FBXW7: variants seen among roughly 807,000 people sequenced by gnomAD.
The protein encoded by FBXW7 is F-box/WD repeat-containing protein 7.
Under a neutral mutation model 86.3 loss-of-function variants are expected in FBXW7, and 11 were observed. The ratio of observed to expected loss-of-function variants is 0.13; its 90% CI spans 0.08 to 0.21. The LOEUF (loss-of-function observed/expected upper bound fraction) is 0.21, where lower values mean the gene tolerates loss of function less well. Ranked by LOEUF, FBXW7 falls within the 10% of genes least tolerant of loss-of-function variation. FBXW7 has a pLI of 1.00. For missense variants in FBXW7, 488 were observed against 847.4 expected (o/e 0.58, Z 5.27); for synonymous variants, 313 against 297.9 (o/e 1.05, Z -0.52).
At chr4:152,481,060 C>G (rs895415014) in intron 2 of FBXW7, among the ~76,000 whole-genome samples, 23 of 152,264 alleles carry the variant, frequency 1.5e-4, no homozygotes, top group African/African-American at 5.3e-4. Flanking sequence ...ACTTTCCTAG[C>G]TAGAAACGAT....
chr4:152,382,292 G>A (rs1195624324), intron 4 of FBXW7: 1 of 1,599,506 alleles, frequency 6.3e-7, no homozygotes, highest in Admixed American at 1.7e-5. Flanking sequence ...AAGATCAACA[G>A]GAACCAAGCC....
At chr4:152,410,897 G>C (rs1737884764) in intron 4 of FBXW7, among the ~76,000 whole-genome samples, 1 of 152,100 alleles carries the variant, frequency 6.6e-6, no homozygotes, top group South Asian at 2.1e-4. Flanking sequence ...TTATGCCTTA[G>C]AGTGACACTT....
At chr4:152,402,820 T>C (rs903523905) in intron 4 of FBXW7, among the ~76,000 whole-genome samples, 4 of 152,240 alleles carry the variant, frequency 2.6e-5, no homozygotes, top group Non-Finnish European at 4.4e-5. Context: ...TGAAAAGAGC[T>C]GTCACTGCTC....
intron 4 of FBXW7, among the ~76,000 whole-genome samples, chr4:152,388,405 T>G (rs953112530): frequency 6.6e-6 from 1 of 152,152 alleles, no homozygotes; most frequent in South Asian, 2.1e-4. Context: ...CATGCCTATA[T>G]GCACAGATAG....
At chr4:152,421,374 G>A (rs1258802189) in intron 2 of FBXW7, among the ~76,000 whole-genome samples, 1 of 152,112 alleles carries the variant, frequency 6.6e-6, no homozygotes, top group Non-Finnish European at 1.5e-5. Context: ...TAATTCATGT[G>A]TTCACCAGAG....
chr4:152,529,197 C>G (rs1749794293), intron 2 of FBXW7, among the ~76,000 whole-genome samples: 1 of 152,010 alleles, frequency 6.6e-6, no homozygotes, highest in African/African-American at 2.4e-5. Context: ...GCCACTCATC[C>G]TTAGGCTTGG....
intron 2 of FBXW7, among the ~76,000 whole-genome samples, chr4:152,446,421 C>T (rs1312774213): frequency 6.6e-6 from 1 of 150,498 alleles, no homozygotes; most frequent in East Asian, 2.0e-4. Flanking sequence ...TCTATAGCTT[C>T]AAGGTCAAGT....
chr4:152,419,234 A>G (rs1008298012), intron 2 of FBXW7, among the ~76,000 whole-genome samples: 1 of 152,124 alleles, frequency 6.6e-6, no homozygotes, highest in African/African-American at 2.4e-5. Context: ...GCCTAAGAAA[A>G]ATGAAGTGCC....
At chr4:152,413,577 C>T (rs1738165689) in intron 2 of FBXW7, among the ~76,000 whole-genome samples, 1 of 152,082 alleles carries the variant, frequency 6.6e-6, no homozygotes, top group African/African-American at 2.4e-5. Flanking sequence ...CTTTCATGCA[C>T]CTTAAAGTAA....
At chr4:152,457,172 A>G (rs1295830047) in intron 2 of FBXW7, among the ~76,000 whole-genome samples, 2 of 152,220 alleles carry the variant, frequency 1.3e-5, no homozygotes, top group African/African-American at 4.8e-5. Context: ...ACATTCAAGA[A>G]TATACAAACT....
At chr4:152,469,347 T>A (rs910319132) in intron 2 of FBXW7, among the ~76,000 whole-genome samples, 3 of 152,100 alleles carry the variant, frequency 2.0e-5, no homozygotes, top group African/African-American at 7.2e-5. Context: ...GTAAAATACA[T>A]TCTGAGATTG....
intron 2 of FBXW7, among the ~76,000 whole-genome samples, chr4:152,526,294 T>C (rs1211142503): frequency 1.3e-5 from 2 of 152,170 alleles, no homozygotes; most frequent in African/African-American, 2.4e-5. Flanking sequence ...ACAGTTCTAT[T>C]CAATAAACAG....
chr4:152,370,899 T>C (rs1363007050), intron 4 of FBXW7, among the ~76,000 whole-genome samples: 1 of 151,808 alleles, frequency 6.6e-6, no homozygotes, highest in Admixed American at 6.6e-5. Context: ...CAAGACACTA[T>C]CAAAGTCACA....
chr4:152,393,812 A>T (rs1053881106), intron 4 of FBXW7, among the ~76,000 whole-genome samples: 2 of 152,156 alleles, frequency 1.3e-5, no homozygotes, highest in African/African-American at 4.8e-5. Context: ...AAGCAGAGAA[A>T]CTACCTTTTG....
At chr4:152,471,500 G>A (rs1334019503) in intron 2 of FBXW7, among the ~76,000 whole-genome samples, 19 of 113,118 alleles carry the variant, frequency 1.7e-4, no homozygotes, top group African/African-American at 6.5e-4. Flanking sequence ...GGGGAGGGAA[G>A]GGGAAGGGAA....
intron 12 of FBXW7, 133 bp downstream of exon 12, chr4:152,325,873 T>C: frequency 1.6e-6 from 1 of 619,522 alleles, no homozygotes; most frequent in Non-Finnish European, 2.7e-6. Flanking sequence ...TTTTAACGTA[T>C]ATAAAAACAG....
At chr4:152,525,601 C>T (rs1326944279) in intron 2 of FBXW7, among the ~76,000 whole-genome samples, 1 of 152,170 alleles carries the variant, frequency 6.6e-6, no homozygotes, top group Non-Finnish European at 1.5e-5. Flanking sequence ...TAGCCTCCAG[C>T]TTCATCCATA....
chr4:152,532,973 G>C (rs1183971831), intron 2 of FBXW7, among the ~76,000 whole-genome samples: 1 of 152,108 alleles, frequency 6.6e-6, no homozygotes, highest in Non-Finnish European at 1.5e-5. Context: ...GATCATTTGA[G>C]GTCAGGAGTT....
rs568761008 is a variant in FBXW7 at position 152,342,817 on chromosome 4, C to G, written c.726+4113G>C. On this transcript the variant is annotated intron_variant, in intron 6 of 13. Coordinates refer to ENST00000281708, the MANE Select transcript of FBXW7 (RefSeq NM_001349798.2). ...GAAACCAAGAATGAATCTTTTCCTA[C>G]TTTTATACAAAAGTCGTTAAAATGT... is the stretch of plus-strand genomic sequence containing the variant. 1.1e-3 allele frequency among the ~76,000 whole-genome samples: 162 copies of G among 152,296 alleles called. No individual in the cohort carries two copies. In the South Asian group the frequency reaches 0.012, roughly 11 times the overall value.
Sources: allele counts gnomAD v4.1 joint callset (sites outside exome capture counted in the v4.1 genomes callset), GRCh38; gene constraint gnomAD v4.1.1; transcripts MANE v1.5; gene names NCBI Gene and HGNC (gene_info 2026-07-23, HGNC 2026-07-21).